CELSR2: variants seen among roughly 807,000 people sequenced by gnomAD.
CELSR2 encodes the protein cadherin EGF LAG seven-pass G-type receptor 2.
CELSR2 carries 81 observed loss-of-function variants against 251.6 expected under a neutral mutation model. That is an observed-to-expected ratio of 0.32 (90% CI 0.27 to 0.39). The LOEUF (loss-of-function observed/expected upper bound fraction) is 0.39. Ranked by LOEUF, CELSR2 falls within the 10% of genes least tolerant of loss-of-function variation. The pLI is 1.00. For missense variants in CELSR2, 3,365 were observed against 3,947.7 expected, an observed-to-expected ratio of 0.85 and a Z score of 3.96; for synonymous variants, 1,721 against 1,670.5, an observed-to-expected ratio of 1.03 and a Z score of -0.74.
In CELSR2 at chr1:109,269,747, A is replaced by G. The variant is rs866823115; in HGVS notation, c.7034A>G (p.Asn2345Ser). 4 of 1,613,786 alleles carry G rather than the reference A, an allele frequency of 2.5e-6. No individual in the cohort carries two copies. Among genetic ancestry groups the G allele is most frequent in the East Asian group, 4.5e-5 (2 of 44,810 alleles). Residue 2345 changes from asparagine to serine, a missense_variant, in exon 22 of 34, where the codon AAT becomes AGT. Asn to Ser is a conservative substitution (Grantham distance 46). This residue lies in a region of CELSR2 where 2,093 missense variants were observed against 2,382.8 expected (regional missense o/e 0.88). Transcript: ENST00000271332. The surrounding 1 kb of genome is among the most constrained non-coding windows in gnomAD (Gnocchi z 6.4). ...SARGCEVVFRNESHVSCQCNH... is the reference protein window; with the variant it reads ...SARGCEVVFRSESHVSCQCNH... ...AGAGGCTGTGAAGTCGTCTTCCGCAATGAGAGCCACGTCAGCTGCCAGTGC... is the reference window on the plus strand; with the variant it reads ...AGAGGCTGTGAAGTCGTCTTCCGCAGTGAGAGCCACGTCAGCTGCCAGTGC...
rs978366811 is a variant in CELSR2, at chr1:109,251,725, A to T, written c.1646A>T (p.His549Leu). Residue 549 changes from histidine (H) to leucine (L), a missense_variant, in exon 1 of 34, where the codon CAT becomes CTT. By Grantham distance (99) the His-to-Leu change is moderately conservative. Around this residue, in one of 5 missense-constraint regions of CELSR2, gnomAD observed 704 missense variants for 784.1 expected, o/e 0.90. Coordinates refer to ENST00000271332, the MANE Select transcript of CELSR2 (RefSeq NM_001408.3). This position sits in a 1 kb window ranked among gnomAD's most constrained non-coding sequence, Gnocchi z 4.9. ...RLEYRLAGVG[H>L]DFPFTINNGT... The stretch of plus-strand genomic sequence containing the variant: ...GAATACCGCCTTGCTGGGGTGGGAC[A>T]TGACTTCCCCTTCACCATCAACAAT... The T allele has an allele frequency of 1.2e-6, 2 of 1,613,978 alleles. No individual in the cohort carries two copies. The highest frequency in any genetic ancestry group is 1.7e-6 in the Non-Finnish European group (2 of 1,180,020).
chr1:109,258,433 C>T lies in CELSR2; in HGVS notation c.3312C>T (p.Asp1104=), dbSNP rs1469542978. The T allele has an allele frequency of 4.5e-6, 7 of 1,572,526 alleles. No homozygotes were observed. Among genetic ancestry groups the T allele is most frequent in the African/African-American group, 2.7e-5 (2 of 74,122 alleles). The change falls in exon 2 of 34, where the codon GAC becomes GAT. Residue 1104 remains aspartate (D), a splice_region_variant and synonymous_variant. Transcript: ENST00000271332. ...LEAIMSVLVS[D]GVHSVTAQCA... ...TCCTGACTGTGTCCCTCTCCACAGA[C>T]GGCGTACACAGCGTGACCGCCCAGT...
At position 109,260,981 on chromosome 1, in the gene CELSR2, G is replaced by C; in HGVS notation, c.3959-61G>C. ...TGGGAGCTATCACTGGGTTGTGGGG[G>C]GTCTCAGTTCCCCTCCTGTCCTCAG... is the stretch of plus-strand genomic sequence containing the variant. On this transcript the variant is annotated intron_variant, in intron 2 of 33. Coordinates refer to ENST00000271332, the MANE Select transcript of CELSR2 (RefSeq NM_001408.3). The C allele has an allele frequency of 6.1e-6, 8 of 1,320,390 alleles. No individual in the cohort carries two copies. In the South Asian group the frequency reaches 1.0e-4, roughly 17 times the overall value. 81.8% of individuals were successfully genotyped at this position (1,320,390 alleles called of 1,614,324 possible). A position where few individuals can be genotyped will look rare whatever the true frequency, so the allele number is the denominator to read the frequency against.
In CELSR2 at chr1:109,252,529, G is replaced by A. The variant is rs763391847; in HGVS notation, c.2450G>A (p.Arg817Gln). The change falls in exon 1 of 34, where the codon CGA becomes CAA. Residue 817 changes from arginine to glutamine, a missense_variant. Around this residue, in one of 5 missense-constraint regions of CELSR2, gnomAD observed 505 missense variants for 660.0 expected, o/e 0.77. Transcript: ENST00000271332. This position sits in a 1 kb window ranked among gnomAD's most constrained non-coding sequence, Gnocchi z 4.8. ...DVNDNAPQFL[R>Q]DSYQGSVYED... ...AATGACAATGCCCCTCAGTTCCTGC[G>A]AGACTCCTACCAGGGCAGTGTCTAT... The A allele has an allele frequency of 1.1e-5, 17 of 1,613,728 alleles. No individual in the cohort carries two copies. The highest frequency in any genetic ancestry group is 4.0e-5 in the African/African-American group (3 of 74,922).
intron 17 of CELSR2, 116 bp from the exon 18 acceptor site, chr1:109,268,465 A>C (rs1656270852): frequency 7.4e-7 from 1 of 1,347,716 alleles, no homozygotes; most frequent in South Asian, 1.5e-5. Context: ...AACAGTGAGC[A>C]CAGAGGGAGG....
Position 109,263,617 on chromosome 1 carries a change from C to A in CELSR2, c.4841C>A (p.Ala1614Asp). 6.2e-7 allele frequency: 1 copy of A among 1,613,626 alleles called. No homozygotes were observed. Among genetic ancestry groups the A allele is most frequent in the Non-Finnish European group, 8.5e-7 (1 of 1,179,738 alleles). ...CCTTTTCCTGCCTCCCCAGAAATGG[C>A]CAATCCACAGCACTTCCTGGGCAGC... ...FGGKSCAQEM[A>D]NPQHFLGSSL... is the part of the protein sequence containing the mutation. Residue 1614 changes from alanine to aspartate, a missense_variant, in exon 9 of 34, where the codon GCC becomes GAC. By Grantham distance (126) the Ala-to-Asp change is moderately radical. Around this residue, in one of 5 missense-constraint regions of CELSR2, gnomAD observed 2,093 missense variants for 2,382.8 expected, o/e 0.88. Transcript: ENST00000271332.
rs745566729 is a variant in CELSR2, at chr1:109,252,685, C to A, written c.2606C>A (p.Thr869Lys). The A allele has an allele frequency of 1.9e-6, 3 of 1,613,858 alleles. No homozygotes were observed. The highest frequency in any genetic ancestry group is 1.7e-6 in the Non-Finnish European group (2 of 1,180,046). ...DGDGDFIVESTSGIVRTLRRL... is the reference protein window; with the variant it reads ...DGDGDFIVESKSGIVRTLRRL... ...GACGGTGACTTTATTGTTGAGTCCA[C>A]GTCAGGCATCGTGCGAACGCTACGG... The change falls in exon 1 of 34, where the codon ACG (threonine) becomes AAG (lysine). Residue 869 changes from threonine to lysine, a missense_variant. Transcript: ENST00000271332. The surrounding 1 kb of genome is among the most constrained non-coding windows in gnomAD (Gnocchi z 4.8).
intron 18 of CELSR2, 23 bp downstream of exon 18, chr1:109,268,787 G>C (rs1472285161): frequency 1.3e-6 from 2 of 1,587,462 alleles, no homozygotes; most frequent in Admixed American, 3.4e-5. Context: ...CCTGGGTTGG[G>C]GAGGGGTTTG....
chr1:109,269,649 A>T lies in CELSR2; in HGVS notation c.6981-45A>T. 1 of 1,613,702 alleles carries T rather than the reference A, an allele frequency of 6.2e-7. No individual in the cohort carries two copies. ...TCGGGCTGAAAGTCCAGGCCCCTGC[A>T]TGCCTCACCCTCCTTGTCTCCCTGA... On this transcript the variant is annotated intron_variant, in intron 21 of 33. Transcript: ENST00000271332. This position sits in a 1 kb window ranked among gnomAD's most constrained non-coding sequence, Gnocchi z 6.4.
At chr1:109,263,119 G>T in intron 7 of CELSR2, 23 bp from the exon 8 acceptor site, 1 of 1,589,828 alleles carries the variant, frequency 6.3e-7, no homozygotes, top group South Asian at 1.1e-5. Context: ...CAGGTCCACT[G>T]AGCTGCCTTC....
intron 18 of CELSR2, 49 bp from the exon 19 acceptor site, chr1:109,268,831 G>C: frequency 6.3e-7 from 1 of 1,584,096 alleles, no homozygotes; most frequent in East Asian, 2.3e-5. Context: ...GGCTGTGCTG[G>C]GGTCCTGCCT....
Position 109,269,100 on chromosome 1 carries a change from C to A in CELSR2, c.6632-10C>A. ...AGGGCCCAGCTAAGTGTGACAGTGT[C>A]CCCTCCCAGAGACGCCCCCCGTGGT... On this transcript the variant is annotated splice_polypyrimidine_tract_variant and intron_variant, in intron 19 of 33. Coordinates refer to ENST00000271332, the MANE Select transcript of CELSR2 (RefSeq NM_001408.3). The surrounding 1 kb of genome is among the most constrained non-coding windows in gnomAD (Gnocchi z 6.4). The A allele has an allele frequency of 6.3e-7, 1 of 1,598,226 alleles. No homozygotes were observed. Among genetic ancestry groups the A allele is most frequent in the Non-Finnish European group, 8.5e-7 (1 of 1,171,190 alleles).
At position 109,250,697 on chromosome 1, in the gene CELSR2, C is replaced by G. The variant is rs41279700; in HGVS notation, c.618C>G (p.Ile206Met). 3 of 1,614,078 alleles carry G rather than the reference C, an allele frequency of 1.9e-6. No individual in the cohort carries two copies. The highest frequency in any genetic ancestry group is 2.5e-6 in the Non-Finnish European group (3 of 1,180,044). ...CCCCTGTTGCATCCCTGAGGGCCAT[C>G]GACCCGGACGAGGGTGAGGCAGGTC... ...AGTPVASLRA[I>M]DPDEGEAGRL... The change falls in exon 1 of 34, where the codon ATC becomes ATG. Residue 206 changes from isoleucine (I) to methionine (M), a missense_variant. By Grantham distance (10) the Ile-to-Met change is conservative. Around this residue, in one of 5 missense-constraint regions of CELSR2, gnomAD observed 704 missense variants for 784.1 expected, o/e 0.90. Coordinates refer to ENST00000271332, the MANE Select transcript of CELSR2 (RefSeq NM_001408.3). The surrounding 1 kb of genome is among the most constrained non-coding windows in gnomAD (Gnocchi z 4.4).
Position 109,258,810 on chromosome 1 carries a change from A to G in CELSR2, c.3689A>G (p.Asn1230Ser), listed in dbSNP as rs762800327. The change falls in exon 2 of 34, where the codon AAC (asparagine) becomes AGC (serine). Residue 1230 changes from asparagine to serine, a missense_variant. Coordinates refer to ENST00000271332, the MANE Select transcript of CELSR2 (RefSeq NM_001408.3). ...CAGCGCGTGCTGCCCTTCGACGACA[A>G]CATCTGCCTGCGGGAGCCCTGCGAG... ...SAQRVLPFDD[N>S]ICLREPCENY... 1 of 1,611,720 alleles carries G rather than the reference A, an allele frequency of 6.2e-7. No individual in the cohort carries two copies. The highest frequency in any genetic ancestry group is 2.2e-5 in the East Asian group (1 of 44,836).
rs745566729 is a variant in CELSR2 at position 109,252,685 on chromosome 1, C to T, written c.2606C>T (p.Thr869Met). 16 of 1,613,858 alleles carry T rather than the reference C, an allele frequency of 9.9e-6. No homozygotes were observed. Among genetic ancestry groups the T allele is most frequent in the Admixed American group, 8.3e-5 (5 of 60,004 alleles). The change falls in exon 1 of 34, where the codon ACG becomes ATG. Residue 869 changes from threonine to methionine, a missense_variant. By Grantham distance (81) the Thr-to-Met change is moderately conservative. Transcript: ENST00000271332. This position sits in a 1 kb window ranked among gnomAD's most constrained non-coding sequence, Gnocchi z 4.8. ...GACGGTGACTTTATTGTTGAGTCCA[C>T]GTCAGGCATCGTGCGAACGCTACGG... ...DGDGDFIVES[T>M]SGIVRTLRRL...
chr1:109,252,498 G>A lies in CELSR2; in HGVS notation c.2419G>A (p.Asp807Asn). Residue 807 changes from aspartate to asparagine, a missense_variant, in exon 1 of 34, where the codon GAC (aspartate) becomes AAC (asparagine). Transcript: ENST00000271332. This position sits in a 1 kb window ranked among gnomAD's most constrained non-coding sequence, Gnocchi z 4.8. ...DTTYLEILVNDVNDNAPQFLR... is the reference protein window; with the variant it reads ...DTTYLEILVNNVNDNAPQFLR... ...CACCTACCTGGAGATCCTGGTGAACGACGTGAATGACAATGCCCCTCAGTT... is the reference window on the plus strand; with the variant it reads ...CACCTACCTGGAGATCCTGGTGAACAACGTGAATGACAATGCCCCTCAGTT... 6.2e-7 allele frequency: 1 copy of A among 1,613,894 alleles called. No homozygotes were observed.
At position 109,249,873 on chromosome 1, in the gene CELSR2, G is replaced by A. The variant is rs897886205; in HGVS notation, c.-207G>A. The A allele has an allele frequency of 2.2e-5, 7 of 318,754 alleles. No homozygotes were observed. The highest frequency in any genetic ancestry group is 7.3e-5 in the East Asian group (1 of 13,768). The allele number at this position is 318,754 out of a possible 1,614,324, so 19.7% of individuals were successfully genotyped here. On this transcript the variant is annotated 5_prime_UTR_variant, in exon 1 of 34. Coordinates refer to ENST00000271332, the MANE Select transcript of CELSR2 (RefSeq NM_001408.3). ...CTCAGGGTGACCCGGGAGCGGGTCT[G>A]GCTCAGGGGGCAGTGGGAGCCCGGG...
intron 8 of CELSR2, 97 bp downstream of exon 8, chr1:109,263,364 C>T (rs758148247): frequency 1.1e-5 from 16 of 1,478,598 alleles, no homozygotes; most frequent in East Asian, 9.5e-5. Context: ...CTCTGCTGAG[C>T]GGGGCTGTGG....
Position 109,261,246 on chromosome 1 carries a change from A to C in CELSR2, c.4163A>C (p.His1388Pro), listed in dbSNP as rs1466007782. 1 of 1,613,252 alleles carries C rather than the reference A, an allele frequency of 6.2e-7. No homozygotes were observed. Among genetic ancestry groups the C allele is most frequent in the Non-Finnish European group, 8.5e-7 (1 of 1,179,966 alleles). ...ITFRGLRQRF[H>P]FTLALSFATK... ...TTTCGCGGCCTGCGCCAGCGTTTCC[A>C]CTTCACCCTGGCCCTCTCGTGAGTG... Residue 1388 changes from histidine to proline, a missense_variant, in exon 3 of 34, where the codon CAC becomes CCC. Around this residue, in one of 5 missense-constraint regions of CELSR2, gnomAD observed 2,093 missense variants for 2,382.8 expected, o/e 0.88. Coordinates refer to ENST00000271332, the MANE Select transcript of CELSR2 (RefSeq NM_001408.3). This position sits in a 1 kb window ranked among gnomAD's most constrained non-coding sequence, Gnocchi z 4.8.
Sources: gnomAD v4.1 joint callset for allele counts on GRCh38, gnomAD v4.1.1 for gene constraint, gnomAD v4.1.1 regional missense constraint, Gnocchi (gnomAD v3.1) non-coding constraint, MANE v1.5 for transcripts, NCBI Gene and HGNC (gene_info 2026-07-23, HGNC 2026-07-21) for gene names.